The following DOCK1 variants were observed in gnomAD, a reference collection of about 807,000 sequenced individuals.
DOCK1 encodes dedicator of cytokinesis 1.
Under a neutral mutation model 262.7 loss-of-function variants are expected in DOCK1, and 138 were observed. The ratio of observed to expected loss-of-function variants is 0.53; its 90% CI spans 0.46 to 0.61. DOCK1 has a LOEUF of 0.61. Ranked by LOEUF, DOCK1 falls within the 20% of genes least tolerant of loss-of-function variation. The pLI is 0.00. For missense variants in DOCK1, 1,908 were observed against 2,370.7 expected (o/e 0.80, Z 4.05); for synonymous variants, 866 against 867.4 (o/e 1.00, Z 0.03).
chr10:126,922,159 G>A (rs2033261380), intron 1 of DOCK1, among the ~76,000 whole-genome samples: 1 of 140,052 alleles, frequency 7.1e-6, no homozygotes, highest in Admixed American at 7.7e-5. Flanking sequence ...GGAGGTTGCA[G>A]AGATTGCATC....
intron 29 of DOCK1, among the ~76,000 whole-genome samples, chr10:127,336,181 C>T (rs1565001658): frequency 1.3e-5 from 2 of 152,110 alleles, no homozygotes; most frequent in Non-Finnish European, 2.9e-5. Context: ...TTCTCCTTGC[C>T]TCATTGGGTG....
chr10:126,985,737 G>A (rs560834959), intron 4 of DOCK1, among the ~76,000 whole-genome samples: 6 of 152,282 alleles, frequency 3.9e-5, no homozygotes, highest in East Asian at 1.9e-4. Flanking sequence ...GTAATGAACC[G>A]CATTTCCATC....
intron 27 of DOCK1, among the ~76,000 whole-genome samples, chr10:127,245,392 T>G (rs558612422): frequency 6.6e-6 from 1 of 152,368 alleles, no homozygotes; most frequent in African/African-American, 2.4e-5. Flanking sequence ...CAGCACCGCC[T>G]CTAACTTGTG....
chr10:127,267,262 T>A (rs911492403), intron 29 of DOCK1, among the ~76,000 whole-genome samples: 1 of 152,252 alleles, frequency 6.6e-6, no homozygotes, highest in East Asian at 1.9e-4. Flanking sequence ...GACCAAATGC[T>A]ACCTGTTCGA....
chr10:126,947,027 G>A (rs1241225679), intron 1 of DOCK1, among the ~76,000 whole-genome samples: 1 of 152,210 alleles, frequency 6.6e-6, no homozygotes, highest in Non-Finnish European at 1.5e-5. Flanking sequence ...GGGGAGAGAT[G>A]CGGTCCAAGG....
In DOCK1 at chr10:126,990,801, G is replaced by GA. The variant is rs372389218; in HGVS notation, c.473+201dup. On this transcript the variant is annotated intron_variant, in intron 6 of 51. Coordinates refer to ENST00000623213, the MANE Select transcript of DOCK1 (RefSeq NM_001290223.2). ...CTGGGGAATTTTGTGAGCCATTCTT[G>GA]AAACCTTGTCATTCTTCAAGGGATA... Among the ~76,000 whole-genome samples, 789 of 152,260 alleles carry GA rather than the reference G, an allele frequency of 5.2e-3. 2 individuals carry two copies. Among genetic ancestry groups the GA allele is most frequent in the African/African-American group, 0.017 (718 of 41,538 alleles).
intron 27 of DOCK1, among the ~76,000 whole-genome samples, chr10:127,246,620 T>C (rs2059439080): frequency 6.6e-6 from 1 of 152,232 alleles, no homozygotes; most frequent in African/African-American, 2.4e-5. Flanking sequence ...AAATAATTTA[T>C]ATTTCTGGGC....
At chr10:127,079,716 A>G (rs1054919531) in intron 23 of DOCK1, among the ~76,000 whole-genome samples, 15 of 152,156 alleles carry the variant, frequency 9.9e-5, no homozygotes, top group African/African-American at 3.6e-4. Context: ...GGATCACCTG[A>G]GGTCAGGAGT....
At chr10:126,951,212 G>C (rs1393003091) in intron 1 of DOCK1, among the ~76,000 whole-genome samples, 1 of 151,604 alleles carries the variant, frequency 6.6e-6, no homozygotes, top group African/African-American at 2.4e-5. Flanking sequence ...GGTAGTGGTG[G>C]TGGTAATATT....
chr10:127,370,678 C>T (rs996621925), intron 33 of DOCK1, among the ~76,000 whole-genome samples: 4 of 152,170 alleles, frequency 2.6e-5, no homozygotes, highest in African/African-American at 9.7e-5. Context: ...GTGGTAAAAG[C>T]AGTGTTTCCT....
intron 17 of DOCK1, 23 bp from the exon 18 acceptor site, chr10:127,032,114 A>G: frequency 6.4e-7 from 1 of 1,571,550 alleles, no homozygotes; most frequent in Non-Finnish European, 8.6e-7. Flanking sequence ...TGCCTTTGAC[A>G]TACGGCATGA....
chr10:127,316,271 C>T (rs767932813), intron 29 of DOCK1, among the ~76,000 whole-genome samples: 5 of 152,146 alleles, frequency 3.3e-5, no homozygotes, highest in African/African-American at 1.2e-4. Flanking sequence ...TGTTCATGGA[C>T]AGACTGCAAC....
chr10:127,140,508 G>A (rs897831089), intron 27 of DOCK1, among the ~76,000 whole-genome samples: 7 of 152,176 alleles, frequency 4.6e-5, no homozygotes, highest in Admixed American at 6.5e-5. Context: ...GTGGGATGAC[G>A]CCCGTGCACC....
chr10:127,219,214 T>C (rs2058330543), intron 27 of DOCK1, among the ~76,000 whole-genome samples: 1 of 152,220 alleles, frequency 6.6e-6, no homozygotes, highest in Non-Finnish European at 1.5e-5. Flanking sequence ...TAAATTCATC[T>C]TGGGTGGAAG....
chr10:127,113,828 C>A (rs2049012212), intron 25 of DOCK1, among the ~76,000 whole-genome samples: 1 of 152,182 alleles, frequency 6.6e-6, no homozygotes, highest in East Asian at 1.9e-4. Context: ...CCCTTCTGTT[C>A]TATCCAGGCC....
At chr10:127,243,629 TC>T (rs1214879739) in intron 27 of DOCK1, among the ~76,000 whole-genome samples, 7 of 152,170 alleles carry the variant, frequency 4.6e-5, no homozygotes, top group African/African-American at 1.4e-4. Flanking sequence ...CTGAGGTACT[TC>T]CAGGAGGGCT....
intron 43 of DOCK1, among the ~76,000 whole-genome samples, chr10:127,414,199 C>G (rs1375230617): frequency 6.6e-6 from 1 of 152,132 alleles, no homozygotes; most frequent in South Asian, 2.1e-4. Flanking sequence ...GACGTGAGCC[C>G]CCCACGCTTG....
chr10:126,970,844 A>T (rs2038051165), intron 2 of DOCK1, 59 bp downstream of exon 2: 1 of 1,564,440 alleles, frequency 6.4e-7, no homozygotes, highest in Non-Finnish European at 8.7e-7. Context: ...ACACCTTCTC[A>T]GTGCCTGCTG....
At chr10:127,005,284 A>G (rs185006076) in intron 10 of DOCK1, among the ~76,000 whole-genome samples, 23 of 151,954 alleles carry the variant, frequency 1.5e-4, no homozygotes, top group Non-Finnish European at 2.9e-5. Flanking sequence ...GTGAACCGTG[A>G]TTGTACCACT....
Sources: gnomAD v4.1 joint callset for allele counts (sites outside exome capture counted in the v4.1 genomes callset) on GRCh38, gnomAD v4.1.1 for gene constraint, MANE v1.5 for transcripts, NCBI Gene and HGNC (gene_info 2026-07-23, HGNC 2026-07-21) for gene names.